THRB: variants seen among roughly 807,000 people sequenced by gnomAD.
The protein encoded by THRB is thyroid hormone receptor beta.
THRB carries 12 observed loss-of-function variants against 47.8 expected under a neutral mutation model. The ratio of observed to expected loss-of-function variants is 0.25; its 90% CI spans 0.16 to 0.41. THRB has a LOEUF of 0.41. Among genes scored for constraint, THRB ranks in the 10% least tolerant of loss-of-function variants. The pLI is 1.00. For synonymous variants in THRB, 218 were observed against 212.2 expected, an observed-to-expected ratio of 1.03 and a Z score of -0.24; for missense variants, 348 against 589.2, an observed-to-expected ratio of 0.59 and a Z score of 4.24.
At chr3:24,189,198 G>A (rs894753833) in intron 5 of THRB, among the ~76,000 whole-genome samples, 35 of 152,012 alleles carry the variant, frequency 2.3e-4, no homozygotes, top group Admixed American at 4.6e-4. Flanking sequence ...TTTGGTATAT[G>A]ATTGTGAGAT....
intron 2 of THRB, among the ~76,000 whole-genome samples, chr3:24,325,207 C>T (rs1242516729): frequency 6.6e-6 from 1 of 152,122 alleles, no homozygotes; most frequent in East Asian, 1.9e-4. Flanking sequence ...AAAGGTTAAG[C>T]TTATTACTAC....
intron 1 of THRB, among the ~76,000 whole-genome samples, chr3:24,375,920 C>T (rs1230544152): frequency 1.3e-5 from 2 of 152,098 alleles, no homozygotes; most frequent in Non-Finnish European, 2.9e-5. Flanking sequence ...AGATAATTTA[C>T]AGAAATATAG....
chr3:24,193,831 A>C (rs1279920153), intron 4 of THRB, among the ~76,000 whole-genome samples: 3 of 152,212 alleles, frequency 2.0e-5, no homozygotes, highest in Admixed American at 6.5e-5. Flanking sequence ...ACATGTTTAT[A>C]ACAGCACAAA....
intron 3 of THRB, among the ~76,000 whole-genome samples, chr3:24,284,824 T>G (rs1376181250): frequency 6.6e-6 from 1 of 151,846 alleles, no homozygotes; most frequent in East Asian, 1.9e-4. Context: ...AAAAAACACA[T>G]GAAAAAATGC....
intron 1 of THRB, among the ~76,000 whole-genome samples, chr3:24,435,672 G>T (rs989346736): frequency 2.6e-4 from 40 of 152,192 alleles, no homozygotes; most frequent in South Asian, 8.3e-4. Context: ...AGAAGGCAGA[G>T]CCTGGCTCTA....
At chr3:24,306,504 T>C (rs1042747601) in intron 2 of THRB, among the ~76,000 whole-genome samples, 1 of 151,390 alleles carries the variant, frequency 6.6e-6, no homozygotes, top group South Asian at 2.1e-4. Context: ...GGAAAAATTA[T>C]CCCAAAGAAA....
chr3:24,403,620 A>T (rs185854988), intron 1 of THRB, among the ~76,000 whole-genome samples: 69 of 152,130 alleles, frequency 4.5e-4, no homozygotes, highest in African/African-American at 1.5e-3. Flanking sequence ...CGTAGTCATT[A>T]TATGTCTCGC....
intron 1 of THRB, among the ~76,000 whole-genome samples, chr3:24,390,133 C>T (rs991293110): frequency 1.1e-4 from 16 of 152,090 alleles, no homozygotes; most frequent in African/African-American, 3.9e-4. Flanking sequence ...CCACTGATGA[C>T]AACATGCCAG....
intron 1 of THRB, among the ~76,000 whole-genome samples, chr3:24,447,522 G>A (rs763538936): frequency 6.6e-6 from 1 of 151,982 alleles, no homozygotes; most frequent in Non-Finnish European, 1.5e-5. Context: ...AAGTTCAATT[G>A]CCAGCTGTTC....
intron 1 of THRB, among the ~76,000 whole-genome samples, chr3:24,453,333 A>G (rs2072854366): frequency 6.6e-6 from 1 of 152,232 alleles, no homozygotes. Context: ...ACGGTGGCAT[A>G]GGAAAATTAA....
At chr3:24,359,741 T>C (rs1041512956) in intron 1 of THRB, among the ~76,000 whole-genome samples, 1 of 152,182 alleles carries the variant, frequency 6.6e-6, no homozygotes, top group Non-Finnish European at 1.5e-5. Context: ...AGTTGAGTTG[T>C]ATTCTTTGCC....
At chr3:24,384,844 T>C (rs976830754) in intron 1 of THRB, among the ~76,000 whole-genome samples, 1 of 152,088 alleles carries the variant, frequency 6.6e-6, no homozygotes, top group East Asian at 1.9e-4. Flanking sequence ...GAAAGAGATA[T>C]TGACTGTGAA....
chr3:24,321,615 G>A (rs2058489383), intron 2 of THRB, among the ~76,000 whole-genome samples: 1 of 151,920 alleles, frequency 6.6e-6, no homozygotes, highest in African/African-American at 2.4e-5. Flanking sequence ...ATTTATGGGG[G>A]ATTGTATGCT....
At chr3:24,145,841 A>G (rs1294544939) in intron 7 of THRB, among the ~76,000 whole-genome samples, 1 of 151,218 alleles carries the variant, frequency 6.6e-6, no homozygotes, top group Non-Finnish European at 1.5e-5. Context: ...TTTCTTTTTA[A>G]TTTTTAACTA....
At position 24,228,453 on chromosome 3, in the gene THRB, A is replaced by G. The variant is rs534118946; in HGVS notation, c.22+485T>C. 4.6e-5 allele frequency among the ~76,000 whole-genome samples: 7 copies of G among 152,198 alleles called. No homozygotes were observed. The South Asian group carries it at 1.5e-3, about 32-fold the overall frequency. Reference sequence around the variant, plus strand: ...CACAAAGTATGTAGAGCCATTTATTATATTAATTGGAATGACTGTAAGAAG... The same window carrying G: ...CACAAAGTATGTAGAGCCATTTATTGTATTAATTGGAATGACTGTAAGAAG... On this transcript the variant is annotated intron_variant, in intron 4 of 10. Coordinates refer to ENST00000646209, the MANE Select transcript of THRB (RefSeq NM_001354712.2).
intron 1 of THRB, among the ~76,000 whole-genome samples, chr3:24,378,060 G>C (rs1055959452): frequency 2.6e-5 from 4 of 152,100 alleles, no homozygotes; most frequent in Non-Finnish European, 5.9e-5. Flanking sequence ...GGTTGAATTA[G>C]ACCAATTTTA....
At chr3:24,242,272 G>A (rs545213689) in intron 3 of THRB, among the ~76,000 whole-genome samples, 1 of 152,164 alleles carries the variant, frequency 6.6e-6, no homozygotes, top group Non-Finnish European at 1.5e-5. Context: ...GCTGGGAGGG[G>A]GAAGGGCATT....
At chr3:24,480,782 A>G (rs1011064222) in intron 1 of THRB, among the ~76,000 whole-genome samples, 3 of 152,234 alleles carry the variant, frequency 2.0e-5, no homozygotes, top group African/African-American at 7.2e-5. Flanking sequence ...GCAATGTCCA[A>G]TCACTCATCC....
chr3:24,272,244 G>T (rs2053413776), intron 3 of THRB, among the ~76,000 whole-genome samples: 1 of 151,992 alleles, frequency 6.6e-6, no homozygotes, highest in Non-Finnish European at 1.5e-5. Context: ...TGCTCTCAAG[G>T]CTGAGGTGGG....
Sources: gnomAD v4.1 joint callset for allele counts (sites outside exome capture counted in the v4.1 genomes callset) on GRCh38, gnomAD v4.1.1 for gene constraint, MANE v1.5 for transcripts, NCBI Gene and HGNC (gene_info 2026-07-23, HGNC 2026-07-21) for gene names.